ANO6: variants seen among roughly 807,000 people sequenced by gnomAD.
The protein encoded by ANO6 is anoctamin 6, also known as anoctamin-6.
In ANO6, 106 loss-of-function variants were observed where a neutral mutation model predicts 117.5. The ratio of observed to expected loss-of-function variants is 0.90; its 90% CI spans 0.77 to 1.06. The LOEUF is 1.06. Ranked by LOEUF, ANO6 falls within the 50% of genes least tolerant of loss-of-function variation. The probability of loss-of-function intolerance (pLI) is 0.00; values close to 1 mark genes in which losing one functional copy is unlikely to be tolerated. For synonymous variants in ANO6, 367 were observed against 385.1 expected (o/e 0.95, Z 0.55); for missense variants, 955 against 1,121.1 (o/e 0.85, Z 2.12).
At chr12:45,422,868 C>CA in intron 18 of ANO6, 89 bp from the exon 19 acceptor site, 1 of 1,031,984 alleles carries the variant, frequency 9.7e-7, no homozygotes, top group Middle Eastern at 2.0e-4. Flanking sequence ...GCCACTGCAC[C>CA]CGGCATGACC....
chr12:45,369,775 T>TA (rs1420778637), intron 9 of ANO6, among the ~76,000 whole-genome samples: 1 of 152,172 alleles, frequency 6.6e-6, no homozygotes, highest in Non-Finnish European at 1.5e-5. Context: ...TTTAGCAAAT[T>TA]AAAAATAGAA....
downstream of ANO6, among the ~76,000 whole-genome samples, chr12:45,436,063 A>G (rs961185060): frequency 6.6e-6 from 1 of 152,218 alleles, no homozygotes; most frequent in Non-Finnish European, 1.5e-5. Context: ...GTGACAAACC[A>G]GGAACCTAAA....
In ANO6 at chr12:45,430,327, G is replaced by A. The variant is rs1943602831; in HGVS notation, c.*1016G>A. 2.0e-6 allele frequency: 2 copies of A among 985,296 alleles called. No individual in the cohort carries two copies. The highest frequency in any genetic ancestry group is 4.7e-5 in the South Asian group (1 of 21,288). 61.0% of individuals were successfully genotyped at this position (985,296 alleles called of 1,614,324 possible). On this transcript the variant is annotated 3_prime_UTR_variant, in exon 20 of 20. Coordinates refer to ENST00000320560, the MANE Select transcript of ANO6 (RefSeq NM_001025356.3). ...GAATGGCTCACTACACAGCCATTGGGGTACAACTGTGTGCATGGGCAGAAA... is the reference window on the plus strand; with the variant it reads ...GAATGGCTCACTACACAGCCATTGGAGTACAACTGTGTGCATGGGCAGAAA...
chr12:45,240,351 A>AATTTTTTTTTTTT (rs1947720322), intron 1 of ANO6, among the ~76,000 whole-genome samples: 1 of 30,700 alleles, frequency 3.3e-5, no homozygotes, highest in African/African-American at 7.2e-5. Flanking sequence ...GCAACCCCTG[A>AATTTTTTTTTTTT]TTTTTTTTTT....
At chr12:45,223,945 T>G (rs1327957568) in intron 1 of ANO6, among the ~76,000 whole-genome samples, 1 of 152,200 alleles carries the variant, frequency 6.6e-6, no homozygotes, top group East Asian at 1.9e-4. Context: ...CCTAGTGGTT[T>G]TATGGCCCTA....
chr12:45,374,015 G>A (rs941726151), intron 9 of ANO6, among the ~76,000 whole-genome samples: 57 of 152,148 alleles, frequency 3.7e-4, no homozygotes, highest in African/African-American at 1.3e-3. Flanking sequence ...AAATGATAAA[G>A]GGGATATCAC....
chr12:45,229,376 T>A (rs1029607253), intron 1 of ANO6, among the ~76,000 whole-genome samples: 1 of 132,084 alleles, frequency 7.6e-6, no homozygotes, highest in African/African-American at 2.8e-5. Flanking sequence ...TCTCCTCAGT[T>A]TTTTTTATTT....
chr12:45,309,173 A>G (rs564123283), intron 2 of ANO6, among the ~76,000 whole-genome samples: 69 of 152,222 alleles, frequency 4.5e-4, no homozygotes, highest in African/African-American at 1.6e-3. Flanking sequence ...GATTGGCAGT[A>G]AGAAGTGAGG....
rs530797975 is a variant in ANO6 at position 45,371,102 on chromosome 12, C to T, written c.1104+3309C>T. ...CCTAGTCAAAGAAAGGGGTGACGAA[C>T]GGCACCTGGAAAATCGGGTCACTCC... On this transcript the variant is annotated intron_variant, in intron 9 of 19. Transcript: ENST00000320560. Among the ~76,000 whole-genome samples the T allele has an allele frequency of 7.9e-5, 12 of 152,192 alleles. No homozygotes were observed. In the South Asian group the frequency reaches 1.0e-3, roughly 13 times the overall value.
At chr12:45,240,550 A>G (rs999690419) in intron 1 of ANO6, among the ~76,000 whole-genome samples, 9 of 151,362 alleles carry the variant, frequency 5.9e-5, no homozygotes, top group African/African-American at 2.2e-4. Context: ...ACCTATTTAC[A>G]TTTAAGGTTA....
intron 12 of ANO6, among the ~76,000 whole-genome samples, chr12:45,395,896 G>A (rs533690417): frequency 1.2e-4 from 19 of 152,248 alleles, no homozygotes; most frequent in South Asian, 8.3e-4. Context: ...TACTGAATGC[G>A]CAAAAACTGG....
chr12:45,350,686 C>A lies in ANO6; in HGVS notation c.775C>A (p.Pro259Thr). ...DCKFRRQSED[P>T]SCPNERYLLY... ...CAAATTCCGCCGTCAGTCAGAGGAT[C>A]CCAGCTGCCCTAATGAACGGTACCT... Residue 259 changes from proline (P) to threonine (T), a missense_variant, in exon 7 of 20, where the codon CCC (proline) becomes ACC (threonine). By Grantham distance (38) the Pro-to-Thr change is conservative. Coordinates refer to ENST00000320560, the MANE Select transcript of ANO6 (RefSeq NM_001025356.3). The A allele has an allele frequency of 5.0e-6, 8 of 1,613,826 alleles. No homozygotes were observed. The highest frequency in any genetic ancestry group is 6.8e-6 in the Non-Finnish European group (8 of 1,179,806).
chr12:45,438,730 C>T (rs1250181355), intron 19 of ANO6, among the ~76,000 whole-genome samples: 2 of 152,112 alleles, frequency 1.3e-5, no homozygotes, highest in Admixed American at 1.3e-4. Context: ...GGATATTCAA[C>T]TTGTAGTAGT....
chr12:45,353,439 G>A (rs1941334268), intron 7 of ANO6, among the ~76,000 whole-genome samples: 1 of 152,020 alleles, frequency 6.6e-6, no homozygotes, highest in Admixed American at 6.6e-5. Context: ...CAGAGTGATG[G>A]GTTCTTAATC....
At chr12:45,244,838 A>T (rs1292384921) in intron 1 of ANO6, among the ~76,000 whole-genome samples, 2 of 152,312 alleles carry the variant, frequency 1.3e-5, no homozygotes. Context: ...GCGTGTTTAA[A>T]CATTTCTTGA....
intron 1 of ANO6, among the ~76,000 whole-genome samples, chr12:45,226,282 T>G (rs1659585940): frequency 6.6e-6 from 1 of 152,234 alleles, no homozygotes; most frequent in African/African-American, 2.4e-5. Context: ...CTGCAGTAAG[T>G]TATTCATCAG....
chr12:45,412,666 G>T (rs1424407814), intron 16 of ANO6, among the ~76,000 whole-genome samples: 1 of 152,072 alleles, frequency 6.6e-6, no homozygotes. Flanking sequence ...CTAGGTAATT[G>T]GGAGGATTTG....
chr12:45,341,729 A>G (rs926603016), intron 3 of ANO6, among the ~76,000 whole-genome samples: 2 of 152,224 alleles, frequency 1.3e-5, no homozygotes, highest in Non-Finnish European at 2.9e-5. Flanking sequence ...GTCCCACTGC[A>G]GGGACGAAGG....
chr12:45,361,179 G>A (rs1251680301), intron 8 of ANO6, among the ~76,000 whole-genome samples: 1 of 150,902 alleles, frequency 6.6e-6, no homozygotes, highest in Non-Finnish European at 1.5e-5. Context: ...CTGAACACAG[G>A]ATGTCTTTTC....
Sources: allele counts gnomAD v4.1 joint callset (sites outside exome capture counted in the v4.1 genomes callset), GRCh38; gene constraint gnomAD v4.1.1; transcripts MANE v1.5; gene names NCBI Gene and HGNC (gene_info 2026-07-23, HGNC 2026-07-21).